The following PTK2B variants were observed in gnomAD, a reference collection of about 807,000 sequenced individuals.
PTK2B encodes protein tyrosine kinase 2 beta, also known as protein-tyrosine kinase 2-beta.
A neutral mutation model predicts 142.9 loss-of-function variants in PTK2B; 71 were observed. The ratio of observed to expected loss-of-function variants is 0.50; its 90% CI spans 0.41 to 0.61. The LOEUF is 0.61. Ranked by LOEUF, PTK2B falls within the 20% of genes least tolerant of loss-of-function variation. The pLI, the probability that PTK2B is intolerant of heterozygous loss-of-function variation, is 0.00. For missense variants in PTK2B, 1,105 were observed against 1,320.4 expected, an observed-to-expected ratio of 0.84 and a Z score of 2.53; for synonymous variants, 519 against 503.4, an observed-to-expected ratio of 1.03 and a Z score of -0.42.
intron 1 of PTK2B, among the ~76,000 whole-genome samples, chr8:27,346,683 T>G (rs1804731202): frequency 6.6e-6 from 1 of 152,226 alleles, no homozygotes; most frequent in Non-Finnish European, 1.5e-5. Context: ...ACAAATTATT[T>G]GAGGGAAAAG....
intron 1 of PTK2B, among the ~76,000 whole-genome samples, chr8:27,347,275 G>A (rs1436141563): frequency 6.6e-6 from 1 of 152,002 alleles, no homozygotes; most frequent in Admixed American, 6.5e-5. Flanking sequence ...AGCTACTTGG[G>A]AGGCTGAGGC....
Position 27,337,982 on chromosome 8 carries a change from G to A in PTK2B, c.-38+12301G>A, listed in dbSNP as rs568423812. Among the ~76,000 whole-genome samples the A allele has an allele frequency of 2.0e-5, 3 of 152,248 alleles. No homozygotes were observed. In the South Asian group the frequency reaches 6.2e-4, roughly 32 times the overall value. On this transcript the variant is annotated intron_variant, in intron 1 of 30. Coordinates refer to ENST00000346049, the MANE Select transcript of PTK2B (RefSeq NM_173176.3). ...GCTGCCTCATTTTTTATTCCCATCA[G>A]CAGTACTTCTTGGTTCTAATACCTC...
At chr8:27,450,613 A>G in intron 24 of PTK2B, 136 bp from the exon 25 acceptor site, 1 of 1,124,494 alleles carries the variant, frequency 8.9e-7, no homozygotes, top group South Asian at 1.6e-5. Context: ...TGGGTTTAAG[A>G]ACAAACTTAT....
chr8:27,360,031 T>C (rs190733911), intron 1 of PTK2B, among the ~76,000 whole-genome samples: 1 of 152,360 alleles, frequency 6.6e-6, no homozygotes, highest in African/African-American at 2.4e-5. Context: ...CCTGAGAATT[T>C]CTTCTTTACC....
At chr8:27,403,408 C>CGTA (rs1808497524) in intron 2 of PTK2B, among the ~76,000 whole-genome samples, 2 of 152,092 alleles carry the variant, frequency 1.3e-5, no homozygotes, top group South Asian at 4.1e-4. Context: ...TTTCTGCAGA[C>CGTA]GTAGTAGCTT....
chr8:27,393,524 T>C (rs1282643650), intron 1 of PTK2B, among the ~76,000 whole-genome samples: 3 of 152,062 alleles, frequency 2.0e-5, no homozygotes, highest in Non-Finnish European at 4.4e-5. Flanking sequence ...GTGGGCTGCA[T>C]TGGGTCTGAT....
intron 24 of PTK2B, among the ~76,000 whole-genome samples, chr8:27,450,512 G>A (rs1038775547): frequency 9.9e-5 from 15 of 152,214 alleles, no homozygotes; most frequent in Non-Finnish European, 8.8e-5. Flanking sequence ...TACAGCGCAC[G>A]TTGAGCAGTG....
intron 28 of PTK2B, 85 bp from the exon 29 acceptor site, chr8:27,454,069 G>A (rs1187794719): frequency 4.0e-5 from 62 of 1,551,470 alleles, no homozygotes; most frequent in Non-Finnish European, 5.4e-5. Context: ...TGGTGGAGTT[G>A]GCCACAGTGG....
intron 3 of PTK2B, among the ~76,000 whole-genome samples, chr8:27,318,051 A>G (rs975391424): frequency 1.1e-4 from 16 of 152,272 alleles, no homozygotes; most frequent in East Asian, 7.7e-4. Flanking sequence ...CTCATGATGC[A>G]CCAAAATAGA....
chr8:27,379,869 T>C (rs879376693), intron 1 of PTK2B, among the ~76,000 whole-genome samples: 1 of 152,108 alleles, frequency 6.6e-6, no homozygotes, highest in Non-Finnish European at 1.5e-5. Context: ...GCCTCTTGAG[T>C]AACTGGGATT....
chr8:27,388,045 T>C (rs1807479163), intron 1 of PTK2B, among the ~76,000 whole-genome samples: 2 of 152,206 alleles, frequency 1.3e-5, no homozygotes, highest in Admixed American at 1.3e-4. Context: ...CAGGAACAAT[T>C]AAAACAACAG....
chr8:27,424,768 A>G (rs1395364146), intron 5 of PTK2B, among the ~76,000 whole-genome samples: 1 of 152,198 alleles, frequency 6.6e-6, no homozygotes, highest in Non-Finnish European at 1.5e-5. Context: ...TTGCCTAAAA[A>G]TGTCCCAGAG....
At chr8:27,432,222 A>G in intron 9 of PTK2B, 38 bp from the exon 10 acceptor site, 2 of 1,589,282 alleles carry the variant, frequency 1.3e-6, no homozygotes. Flanking sequence ...TAGTCCTGGT[A>G]GTGGGATGGT....
At chr8:27,371,039 G>T (rs915158954) in intron 1 of PTK2B, among the ~76,000 whole-genome samples, 1 of 152,048 alleles carries the variant, frequency 6.6e-6, no homozygotes. Flanking sequence ...GGGGCTACAG[G>T]TGCTCGCCAC....
chr8:27,450,707 G>A, intron 24 of PTK2B, 42 bp from the exon 25 acceptor site: 1 of 1,611,688 alleles, frequency 6.2e-7, no homozygotes, highest in South Asian at 1.1e-5. Context: ...TCTGAGAGCA[G>A]GGCTCATTGC....
chr8:27,395,576 G>A (rs867011081), intron 1 of PTK2B, among the ~76,000 whole-genome samples: 23 of 152,270 alleles, frequency 1.5e-4, no homozygotes, highest in African/African-American at 5.3e-4. Context: ...CCTGCTGCCA[G>A]CTCTGCACCT....
At chr8:27,448,817 G>C (rs1811633025) in intron 24 of PTK2B, among the ~76,000 whole-genome samples, 1 of 152,198 alleles carries the variant, frequency 6.6e-6, no homozygotes, top group Non-Finnish European at 1.5e-5. Flanking sequence ...CATTTAACTG[G>C]GGATTTTTAT....
chr8:27,350,987 AAAAATAT>A (rs1805025528), intron 1 of PTK2B, among the ~76,000 whole-genome samples: 1 of 17,156 alleles, frequency 5.8e-5, no homozygotes, highest in East Asian at 8.4e-4. Context: ...AAAAAAAAAA[AAAAATAT>A]ATATATATAT....
Position 27,434,528 on chromosome 8 carries a change from G to T in PTK2B, c.1161G>T (p.Arg387=). Reference sequence around the variant, plus strand: ...CCTCCTACAGAAACCTGGAGGCCCGGCGGTCCCACCTCTCAGAGAGCTGCA... The same window carrying T: ...CCTCCTACAGAAACCTGGAGGCCCGTCGGTCCCACCTCTCAGAGAGCTGCA... ...PQIPMLNLEA[R]RSHLSESCSI... The change falls in exon 13 of 31, where the codon CGG becomes CGT. Residue 387 remains arginine (R), a synonymous_variant. Transcript: ENST00000346049. 1 of 1,609,084 alleles carries T rather than the reference G, an allele frequency of 6.2e-7. No individual in the cohort carries two copies. Among genetic ancestry groups the T allele is most frequent in the Non-Finnish European group, 8.5e-7 (1 of 1,177,930 alleles).
Sources: allele counts gnomAD v4.1 joint callset (sites outside exome capture counted in the v4.1 genomes callset), GRCh38; gene constraint gnomAD v4.1.1; transcripts MANE v1.5; gene names NCBI Gene and HGNC (gene_info 2026-07-23, HGNC 2026-07-21).